The following CLSPN variants were observed in gnomAD, a reference collection of about 807,000 sequenced individuals.
CLSPN encodes claspin.
A neutral mutation model predicts 156.3 loss-of-function variants in CLSPN; 85 were observed. That is an observed-to-expected ratio of 0.54 (90% confidence interval 0.46 to 0.65). The LOEUF is 0.65. Ranked by LOEUF, CLSPN falls within the 30% of genes least tolerant of loss-of-function variation. CLSPN has a pLI of 0.00. For missense variants in CLSPN, 1,407 were observed against 1,554.9 expected (o/e 0.90, Z 1.60); for synonymous variants, 534 against 542.4 (o/e 0.98, Z 0.22).
rs774950860 is a variant in CLSPN at position 35,764,470 on chromosome 1, C to G, written c.378G>C (p.Ala126=). The G allele has an allele frequency of 6.2e-7, 1 of 1,613,940 alleles. No individual in the cohort carries two copies. The change falls in exon 3 of 25, where the codon GCG becomes GCC. Residue 126 remains alanine, a synonymous_variant. Transcript: ENST00000318121. ...EKSLYQENLE[A]QVKPCLELSL... ...TCAGCTCTAAGCAAGGTTTCACTTG[C>G]GCTTCAAGATTTTCCTGATACAAAG...
downstream of CLSPN, chr1:35,731,988 G>A (rs1253790729): frequency 5.2e-6 from 1 of 190,610 alleles, no homozygotes; most frequent in Admixed American, 6.5e-5. Context: ...GGAGCTACTG[G>A]CAATTTCTTA....
In CLSPN at chr1:35,733,929, A is replaced by G; in HGVS notation, c.*2567T>C. Reference sequence around the variant, plus strand: ...CAGGAGTTCAAGGGTACAGTGAGCTATGATTGTGCCACTGCACTCTAACCT... The same window carrying G: ...CAGGAGTTCAAGGGTACAGTGAGCTGTGATTGTGCCACTGCACTCTAACCT... On this transcript the variant is annotated 3_prime_UTR_variant, in exon 25 of 25. Transcript: ENST00000318121. The G allele has an allele frequency of 1.2e-6, 1 of 856,264 alleles. No individual in the cohort carries two copies. The highest frequency in any genetic ancestry group is 5.3e-5 in the South Asian group (1 of 18,732). The allele number at this position is 856,264 out of a possible 1,614,324, so 53.0% of individuals were successfully genotyped here. A position where few individuals can be genotyped will look rare whatever the true frequency, so the allele number is the denominator to read the frequency against.
At position 35,732,360 on chromosome 1, in the gene CLSPN, CT is replaced by C. The variant is rs1259623643; in HGVS notation, c.*4135del. On this transcript the variant is annotated 3_prime_UTR_variant, in exon 25 of 25. Coordinates refer to ENST00000318121, the MANE Select transcript of CLSPN (RefSeq NM_022111.4). ...AGGAGATAAAAACCAAAAACACCCC[CT>C]AAAAAGTCTCCCAGCCTGAGCATTA... is the stretch of plus-strand genomic sequence containing the variant. 10 of 985,178 alleles carry C rather than the reference CT, an allele frequency of 1.0e-5. No homozygotes were observed. The African/African-American group carries it at 1.6e-4, about 16-fold the overall frequency. 61.0% of individuals were successfully genotyped at this position (985,178 alleles called of 1,614,324 possible). A position where few individuals can be genotyped will look rare whatever the true frequency, so the allele number is the denominator to read the frequency against.
In CLSPN at chr1:35,732,282, T is replaced by TA; in HGVS notation, c.*4213dup. The TA allele has an allele frequency of 4.1e-6, 4 of 985,336 alleles. No homozygotes were observed. The highest frequency in any genetic ancestry group is 4.8e-6 in the Non-Finnish European group (4 of 829,926). The allele number at this position is 985,336 out of a possible 1,614,324, so 61.0% of individuals were successfully genotyped here. On this transcript the variant is annotated 3_prime_UTR_variant, in exon 25 of 25. Coordinates refer to ENST00000318121, the MANE Select transcript of CLSPN (RefSeq NM_022111.4). ...TCCCAGAAATACTCTCCTCTATCCT[T>TA]AGGAGCACAAATCCCAGGACAGGAT...
In CLSPN at chr1:35,745,574, C is replaced by A; in HGVS notation, c.2855-12G>T. ...TGGAGTGGAGGCATCTACATCACAA[C>A]AAGGAAAAGATGTGTCACCAAGGAA... On this transcript the variant is annotated splice_polypyrimidine_tract_variant and intron_variant, in intron 15 of 24. Transcript: ENST00000318121. 1 of 1,560,300 alleles carries A rather than the reference C, an allele frequency of 6.4e-7. No individual in the cohort carries two copies. Among genetic ancestry groups the A allele is most frequent in the South Asian group, 1.1e-5 (1 of 89,904 alleles).
chr1:35,747,429 G>A (rs979673888), intron 14 of CLSPN, among the ~76,000 whole-genome samples: 1 of 152,166 alleles, frequency 6.6e-6, no homozygotes, highest in Non-Finnish European at 1.5e-5. Context: ...AAACCAGAAA[G>A]CAAAAGATTC....
intron 17 of CLSPN, 52 bp from the exon 18 acceptor site, chr1:35,743,293 T>C (rs1286665986): frequency 1.4e-6 from 2 of 1,466,396 alleles, no homozygotes; most frequent in Non-Finnish European, 1.9e-6. Flanking sequence ...GCGTCCTCAA[T>C]GAAAAAAGGA....
intron 15 of CLSPN, 73 bp from the exon 16 acceptor site, chr1:35,745,635 T>C: frequency 3.9e-6 from 4 of 1,031,914 alleles, no homozygotes; most frequent in Non-Finnish European, 6.0e-6. Context: ...CCATCTAAAG[T>C]CATGCCAGCT....
Position 35,753,954 on chromosome 1 carries a change from C to T in CLSPN, c.1580-18G>A. 5 of 1,611,764 alleles carry T rather than the reference C, an allele frequency of 3.1e-6. No individual in the cohort carries two copies. The highest frequency in any genetic ancestry group is 4.2e-6 in the Non-Finnish European group (5 of 1,178,712). On this transcript the variant is annotated intron_variant, in intron 8 of 24. Coordinates refer to ENST00000318121, the MANE Select transcript of CLSPN (RefSeq NM_022111.4). Reference sequence around the variant, plus strand: ...TTCCAGTTCTAAACCCAAACGCCAACCAGTGTGTCAGTTTGCCATGCTCAA... The same window carrying T: ...TTCCAGTTCTAAACCCAAACGCCAATCAGTGTGTCAGTTTGCCATGCTCAA...
Position 35,746,234 on chromosome 1 carries a change from T to G in CLSPN, c.2854+532A>C, listed in dbSNP as rs1317733753. ...TGCTGGGATTACAGGCGTGAGCCAC[T>G]GCGCCCGGCCTAAAGTAGTCTTAAG... On this transcript the variant is annotated intron_variant, in intron 15 of 24. Coordinates refer to ENST00000318121, the MANE Select transcript of CLSPN (RefSeq NM_022111.4). The surrounding 1 kb of genome is among the most constrained non-coding windows in gnomAD (Gnocchi z 4.2). Among the ~76,000 whole-genome samples, 1 of 152,038 alleles carries G rather than the reference T, an allele frequency of 6.6e-6. No homozygotes were observed. The highest frequency in any genetic ancestry group is 1.9e-4 in the East Asian group (1 of 5,148).
In CLSPN at chr1:35,732,435, G is replaced by C. The variant is rs1197006318; in HGVS notation, c.*4061C>G. 1.0e-6 allele frequency: 1 copy of C among 985,272 alleles called. No homozygotes were observed. Among genetic ancestry groups the C allele is most frequent in the Non-Finnish European group, 1.2e-6 (1 of 829,922 alleles). The allele number at this position is 985,272 out of a possible 1,614,324, so 61.0% of individuals were successfully genotyped here. A position where few individuals can be genotyped will look rare whatever the true frequency, so the allele number is the denominator to read the frequency against. Reference sequence around the variant, plus strand: ...TTTGTAGAGAAGCAGTTGAGAAAATGAGGGATGCCACAGAGATCTGAGTAC... The same window carrying C: ...TTTGTAGAGAAGCAGTTGAGAAAATCAGGGATGCCACAGAGATCTGAGTAC... On this transcript the variant is annotated 3_prime_UTR_variant, in exon 25 of 25. Coordinates refer to ENST00000318121, the MANE Select transcript of CLSPN (RefSeq NM_022111.4).
At chr1:35,751,709 C>T (rs1283925152) in intron 9 of CLSPN, among the ~76,000 whole-genome samples, 1 of 151,810 alleles carries the variant, frequency 6.6e-6, no homozygotes, top group Non-Finnish European at 1.5e-5. Flanking sequence ...TAGTATACTA[C>T]TCAGGGATTA....
At chr1:35,737,231 C>T (rs1416607012) in intron 23 of CLSPN, 108 bp downstream of exon 23, 4 of 1,280,298 alleles carry the variant, frequency 3.1e-6, no homozygotes, top group Non-Finnish European at 3.4e-6. Flanking sequence ...TTAACTTTTT[C>T]CCTGCAGCCA....
At position 35,737,390 on chromosome 1, in the gene CLSPN, C is replaced by T. The variant is rs934583884; in HGVS notation, c.3696G>A (p.Lys1232=). The change falls in exon 23 of 25, where the codon AAG becomes AAA. Residue 1232 remains lysine (K), a synonymous_variant. Coordinates refer to ENST00000318121, the MANE Select transcript of CLSPN (RefSeq NM_022111.4). ...CTTCAAAAGGATTTCTGAGCAAAGA[C>T]TTTGATTCCTGAATAACCATAGGGC... is the stretch of plus-strand genomic sequence containing the variant. ...ASRPMVIQES[K]SLLRNPFEAI... The T allele has an allele frequency of 6.2e-7, 1 of 1,613,984 alleles. No homozygotes were observed. Among genetic ancestry groups the T allele is most frequent in the Admixed American group, 1.7e-5 (1 of 60,000 alleles).
intron 5 of CLSPN, 116 bp downstream of exon 5, chr1:35,762,288 C>A: frequency 1.0e-6 from 1 of 952,652 alleles, no homozygotes; most frequent in Non-Finnish European, 1.6e-6. Context: ...ATGTACAAAG[C>A]AATATGATGG....
chr1:35,739,108 T>C (rs1184340884), intron 20 of CLSPN, 28 bp downstream of exon 20: 35 of 1,613,838 alleles, frequency 2.2e-5, no homozygotes, highest in Non-Finnish European at 3.0e-5. Context: ...CCGTAACTGA[T>C]TGCTTTTAAA....
chr1:35,738,569 C>T lies in CLSPN; in HGVS notation c.3444G>A (p.Gln1148=). The change falls in exon 21 of 25, where the codon CAG becomes CAA. Residue 1148 remains glutamine (Q), a synonymous_variant. Coordinates refer to ENST00000318121, the MANE Select transcript of CLSPN (RefSeq NM_022111.4). ...FRWKNIDDAS[Q]MDLFHRDSDD... The stretch of plus-strand genomic sequence containing the variant: ...CAGAGTCTCTGTGGAACAAGTCCAT[C>T]TGGGAAGCATCATCTAAACAAAGAG... 6.2e-7 allele frequency: 1 copy of T among 1,614,004 alleles called. No homozygotes were observed. Among genetic ancestry groups the T allele is most frequent in the East Asian group, 2.2e-5 (1 of 44,864 alleles).
intron 22 of CLSPN, chr1:35,737,682 T>C (rs1641524479): frequency 4.3e-6 from 2 of 468,950 alleles, no homozygotes; most frequent in Non-Finnish European, 7.6e-6. Flanking sequence ...TAAATATTCC[T>C]GGATTCAAAT....
intron 3 of CLSPN, among the ~76,000 whole-genome samples, chr1:35,763,797 GT>G (rs33972058): frequency 7.6e-4 from 106 of 138,984 alleles, no homozygotes; most frequent in Non-Finnish European, 8.5e-4. Context: ...TTTGGTTTTT[GT>G]TTTTTTTTTT....
Sources: gnomAD v4.1 joint callset for allele counts (sites outside exome capture counted in the v4.1 genomes callset) on GRCh38, gnomAD v4.1.1 for gene constraint, Gnocchi (gnomAD v3.1) non-coding constraint, MANE v1.5 for transcripts, NCBI Gene and HGNC (gene_info 2026-07-23, HGNC 2026-07-21) for gene names.